The following POTEF variants were observed in gnomAD, a reference collection of about 807,000 sequenced individuals.
POTEF encodes POTE ankyrin domain family member F, also known as ANKRD26-like family C member 1B.
A neutral mutation model predicts 83.2 loss-of-function variants in POTEF; 20 were observed. That is an observed-to-expected ratio of 0.24 (90% CI 0.17 to 0.35). The LOEUF (loss-of-function observed/expected upper bound fraction) is 0.35. Among genes scored for constraint, POTEF ranks in the 10% least tolerant of loss-of-function variants. POTEF has a pLI of 1.00. For missense variants in POTEF, 550 were observed against 1,203.2 expected (o/e 0.46, Z 8.03); for synonymous variants, 196 against 446.4 (o/e 0.44, Z 7.07).
chr2:130,122,831 T>A (rs1033752639), intron 2 of POTEF, among the ~76,000 whole-genome samples: 9 of 151,870 alleles, frequency 5.9e-5, no homozygotes, highest in Admixed American at 2.6e-4. Context: ...ATTTTTCAGA[T>A]AACAGTTTGT....
intron 7 of POTEF, chr2:130,109,664 G>A (rs1469155201): frequency 6.6e-6 from 1 of 150,444 alleles, no homozygotes; most frequent in South Asian, 2.1e-4. Context: ...CACATTATTT[G>A]AACCCCTCTC....
intron 8 of POTEF, among the ~76,000 whole-genome samples, chr2:130,106,232 C>G (rs1408039341): frequency 6.6e-6 from 1 of 150,502 alleles, no homozygotes; most frequent in African/African-American, 2.5e-5. Context: ...ACTGTTTTAG[C>G]CACTGTTCAT....
Position 130,074,998 on chromosome 2 carries a change from T to C in POTEF, c.2474A>G (p.Glu825Gly). The change falls in exon 17 of 17, where the codon GAG (glutamate) becomes GGG (glycine). Residue 825 changes from glutamate (E) to glycine (G), a missense_variant. Physicochemically the swap from Glu to Gly is moderately conservative, Grantham distance 98 (BLOSUM62 -2). Transcript: ENST00000409914. ...NREKMTQIMF[E>G]TFNTPAMYVA... Reference sequence around the variant, plus strand: ...GTACATGGCTGGGGTGTTGAAGGTCTCAAACATGATCTGGGTCATCTTCTC... The same window carrying C: ...GTACATGGCTGGGGTGTTGAAGGTCCCAAACATGATCTGGGTCATCTTCTC... 6.2e-7 allele frequency: 1 copy of C among 1,613,146 alleles called. No individual in the cohort carries two copies. The highest frequency in any genetic ancestry group is 1.1e-5 in the South Asian group (1 of 91,020).
intron 8 of POTEF, among the ~76,000 whole-genome samples, chr2:130,107,299 A>C (rs1684565554): frequency 6.6e-6 from 1 of 150,922 alleles, no homozygotes; most frequent in South Asian, 2.1e-4. Flanking sequence ...AAGTAAATAT[A>C]TCTCTTTCCA....
intron 8 of POTEF, among the ~76,000 whole-genome samples, chr2:130,105,324 A>T (rs1011192560): frequency 6.6e-6 from 1 of 151,686 alleles, no homozygotes; most frequent in African/African-American, 2.4e-5. Flanking sequence ...CAACATATTA[A>T]AACAAGTAGT....
chr2:130,113,303 C>G (rs1684759776), intron 5 of POTEF, among the ~76,000 whole-genome samples: 1 of 114,008 alleles, frequency 8.8e-6, no homozygotes, highest in South Asian at 3.0e-4. Flanking sequence ...GATCACACCA[C>G]TGCATTCCAG....
At chr2:130,110,863 A>G (rs1684690854) in intron 6 of POTEF, among the ~76,000 whole-genome samples, 183 bp from the exon 7 acceptor site, 1 of 93,066 alleles carries the variant, frequency 1.1e-5, no homozygotes, top group Non-Finnish European at 2.0e-5. Flanking sequence ...AAAGGAAGGG[A>G]CCAAAAAAAA....
chr2:130,096,486 GACA>G (rs1684238330), intron 11 of POTEF, among the ~76,000 whole-genome samples: 1 of 115,896 alleles, frequency 8.6e-6, no homozygotes, highest in African/African-American at 3.5e-5. Context: ...TTTCAGGAAG[GACA>G]TCAGTAGCCC....
intron 6 of POTEF, 127 bp from the exon 7 acceptor site, chr2:130,110,807 A>T (rs4101870): frequency 0.19 from 125,154 of 645,362 alleles, 34,266 homozygotes; most frequent in African/African-American, 0.68. Flanking sequence ...GACATAAGCA[A>T]CCTGAGTGCT....
chr2:130,128,451 C>G (rs1429560329), intron 1 of POTEF, among the ~76,000 whole-genome samples: 1 of 150,920 alleles, frequency 6.6e-6, no homozygotes, highest in African/African-American at 2.4e-5. Flanking sequence ...GTATAGCCCC[C>G]ATAGCAACCC....
At chr2:130,111,627 C>T (rs1684712574) in intron 6 of POTEF, among the ~76,000 whole-genome samples, 1 of 151,236 alleles carries the variant, frequency 6.6e-6, no homozygotes, top group Admixed American at 6.6e-5. Flanking sequence ...AATGGAAAAG[C>T]ATGTAAGACA....
chr2:130,117,831 GTGTT>G (rs1262909790), intron 3 of POTEF, among the ~76,000 whole-genome samples: 37 of 152,124 alleles, frequency 2.4e-4, no homozygotes, highest in African/African-American at 8.7e-4. Flanking sequence ...TACCACTAAA[GTGTT>G]TGTTTGAAAA....
chr2:130,120,382 G>C lies in POTEF; in HGVS notation c.134C>G (p.Thr45Ser), dbSNP rs1684968190. 1 of 1,602,414 alleles carries C rather than the reference G, an allele frequency of 6.2e-7. No individual in the cohort carries two copies. The highest frequency in any genetic ancestry group is 8.5e-7 in the Non-Finnish European group (1 of 1,171,158). Reference protein sequence around the residue: ...CRESGKSNVGTSGDHDDSAMK... With the variant: ...CRESGKSNVGSSGDHDDSAMK... ...AGCAGAGTCGTCGTGGTCTCCAGAA[G>C]TGCCCACGTTGCTCTTGCCGCTCTC... The change falls in exon 3 of 17, where the codon ACT (threonine) becomes AGT (serine). Residue 45 changes from threonine to serine, a missense_variant. By Grantham distance (58) the Thr-to-Ser change is moderately conservative (BLOSUM62 1). Coordinates refer to ENST00000409914, the MANE Select transcript of POTEF (RefSeq NM_001099771.2).
chr2:130,104,042 AC>A (rs1397144520), intron 8 of POTEF, among the ~76,000 whole-genome samples: 11 of 147,574 alleles, frequency 7.5e-5, no homozygotes, highest in Admixed American at 2.0e-4. Flanking sequence ...GATATAGATC[AC>A]TTTAAATGCC....
chr2:130,075,190 T>G lies in POTEF; in HGVS notation c.2282A>C (p.Lys761Thr). 1 of 1,612,958 alleles carries G rather than the reference T, an allele frequency of 6.2e-7. No individual in the cohort carries two copies. Among genetic ancestry groups the G allele is most frequent in the Non-Finnish European group, 8.5e-7 (1 of 1,179,888 alleles). ...GTACTTCAGGGTCAGGATGCCTCTT[T>G]TGCTCTGGGCCTCCTTGCCCACATA... ...ESYVGKEAQS[K>T]RGILTLKYPM... Residue 761 changes from lysine (K) to threonine (T), a missense_variant, in exon 17 of 17, where the codon AAA becomes ACA. By Grantham distance (78) the Lys-to-Thr change is moderately conservative. Coordinates refer to ENST00000409914, the MANE Select transcript of POTEF (RefSeq NM_001099771.2).
At chr2:130,128,510 C>A (rs3856374) in intron 1 of POTEF, among the ~76,000 whole-genome samples, 42,294 of 87,552 alleles carry the variant, frequency 0.48, 9,097 homozygotes, top group Admixed American at 0.57. Context: ...AGCACACCCA[C>A]CACACCCTGT....
At chr2:130,110,223 A>G (rs1324642455) in intron 7 of POTEF, among the ~76,000 whole-genome samples, 1 of 151,446 alleles carries the variant, frequency 6.6e-6, no homozygotes, top group Non-Finnish European at 1.5e-5. Flanking sequence ...AGACCCAAAT[A>G]ACTAATCAGA....
chr2:130,117,522 A>C (rs913392460), intron 3 of POTEF, among the ~76,000 whole-genome samples: 1 of 152,050 alleles, frequency 6.6e-6, no homozygotes, highest in Non-Finnish European at 1.5e-5. Flanking sequence ...ACATGTTTTC[A>C]GCTAACACGA....
At position 130,075,558 on chromosome 2, in the gene POTEF, A is replaced by G; in HGVS notation, c.1914T>C (p.Cys638=). ...EKMNSELSLS[C]KKEKDILHEN... ...CATGCAAGATGTCTTTTTCTTTCTT[A>G]CAACTAAGAGAAAGCTAAGTAAACA... is the stretch of plus-strand genomic sequence containing the variant. The change falls in exon 17 of 17, where the codon TGT becomes TGC. Residue 638 remains cysteine, a synonymous_variant. Transcript: ENST00000409914. The G allele has an allele frequency of 6.2e-7, 1 of 1,610,344 alleles. No individual in the cohort carries two copies. The highest frequency in any genetic ancestry group is 2.2e-5 in the East Asian group (1 of 44,854).
Sources: gnomAD v4.1 joint callset for allele counts (sites outside exome capture counted in the v4.1 genomes callset) on GRCh38, gnomAD v4.1.1 for gene constraint, MANE v1.5 for transcripts, NCBI Gene and HGNC (gene_info 2026-07-23, HGNC 2026-07-21) for gene names.